Variants in TPM1 observed in about 807,000 individuals in gnomAD.
TPM1 encodes tropomyosin alpha-1 chain.
Under a neutral mutation model 42.9 loss-of-function variants are expected in TPM1, and 24 were observed. The ratio of observed to expected loss-of-function variants is 0.56; its 90% CI spans 0.41 to 0.79. The LOEUF is 0.79. TPM1 is among the 30% of genes least tolerant of loss of function. TPM1 has a pLI of 0.00. For missense variants in TPM1, 158 were observed against 351.8 expected (o/e 0.45, Z 4.41); for synonymous variants, 136 against 130.1 (o/e 1.05, Z -0.31).
At chr15:63,063,598 C>T (rs75449003) in intron 8 of TPM1, among the ~76,000 whole-genome samples, 15,274 of 152,280 alleles carry the variant, frequency 0.1, 1,169 homozygotes, top group Admixed American at 0.24. Flanking sequence ...ATAAGGACTA[C>T]AGGCTGTAGT....
At chr15:63,061,653 T>G (rs1392530461) in intron 5 of TPM1, 60 bp from the exon 6 acceptor site, 5 of 1,529,130 alleles carry the variant, frequency 3.3e-6, no homozygotes, top group African/African-American at 2.7e-5. Flanking sequence ...CCTCTCCTTT[T>G]TCTCTCCTCC....
At chr15:63,051,553 C>G (rs1200620231) in intron 2 of TPM1, among the ~76,000 whole-genome samples, 2 of 151,856 alleles carry the variant, frequency 1.3e-5, no homozygotes, top group African/African-American at 2.4e-5. Flanking sequence ...TTTTTCCCCC[C>G]TTTCCTTACC....
chr15:63,052,181 C>G (rs1042035422), intron 2 of TPM1, among the ~76,000 whole-genome samples: 2 of 152,078 alleles, frequency 1.3e-5, no homozygotes, highest in Non-Finnish European at 2.9e-5. Flanking sequence ...ACTAGCATCC[C>G]AGATTGAAAG....
At chr15:63,058,899 C>T (rs1037355826) in intron 3 of TPM1, among the ~76,000 whole-genome samples, 1 of 152,154 alleles carries the variant, frequency 6.6e-6, no homozygotes, top group Non-Finnish European at 1.5e-5. Context: ...CTAATACACT[C>T]AGTGTAGAGG....
At chr15:63,071,180 C>G in exon 9 of TPM1, 1 of 1,606,004 alleles carries the variant, frequency 6.2e-7, no homozygotes, top group Non-Finnish European at 8.5e-7. Context: ...TGAAAACCTC[C>G]TTAGCTGCGA....
intron 9 of TPM1, chr15:63,064,611 G>T: frequency 9.7e-7 from 1 of 1,033,448 alleles, no homozygotes; most frequent in Non-Finnish European, 1.2e-6. Context: ...TAAGGAAATT[G>T]GCATGATCCA....
At chr15:63,068,611 C>T (rs1480535483), downstream of TPM1, among the ~76,000 whole-genome samples, 2 of 152,170 alleles carry the variant, frequency 1.3e-5, no homozygotes, top group Non-Finnish European at 2.9e-5. Context: ...TTGTCACCAG[C>T]ATTCAAAGCC....
intron 1 of TPM1, chr15:63,043,663 CG>C (rs1277313697): frequency 2.6e-6 from 4 of 1,537,264 alleles, no homozygotes; most frequent in Admixed American, 2.0e-5. Flanking sequence ...GTCTAACACC[CG>C]GTCCGTGCCG....
chr15:63,053,721 G>T (rs935980960), intron 2 of TPM1, among the ~76,000 whole-genome samples: 16 of 126,520 alleles, frequency 1.3e-4, no homozygotes, highest in African/African-American at 4.5e-4. Context: ...TTGCTCTGTC[G>T]CCCAGGCTGG....
intron 1 of TPM1, chr15:63,043,686 C>T: frequency 1.3e-6 from 2 of 1,541,846 alleles, no homozygotes; most frequent in African/African-American, 1.4e-5. Flanking sequence ...CCGCCCGCGC[C>T]CGCCCGCCGC....
At chr15:63,063,121 G>A in intron 8 of TPM1, 2 of 979,928 alleles carry the variant, frequency 2.0e-6, no homozygotes, top group Non-Finnish European at 2.4e-6. Context: ...ATATCCTGAA[G>A]GAGGAGGGAA....
chr15:63,063,934 C>A (rs1188581835), intron 8 of TPM1, 130 bp from the exon 9 acceptor site: 1 of 1,384,922 alleles, frequency 7.2e-7, no homozygotes, highest in African/African-American at 1.4e-5. Flanking sequence ...TGCTGCGGCA[C>A]CAACCCCTTC....
At chr15:63,065,764 C>A in intron 9 of TPM1, 132 bp from the exon 10 acceptor site, 1 of 1,373,696 alleles carries the variant, frequency 7.3e-7, no homozygotes, top group South Asian at 1.3e-5. Context: ...GTGTGGCTGG[C>A]AGTGGGGTTT....
intron 2 of TPM1, among the ~76,000 whole-genome samples, chr15:63,052,779 A>T (rs372730019): frequency 2.0e-5 from 3 of 152,192 alleles, no homozygotes; most frequent in East Asian, 1.9e-4. Flanking sequence ...TAAAAAAAAA[A>T]ATACCAGAAA....
At chr15:63,044,408 G>A in intron 2 of TPM1, 1 of 622,012 alleles carries the variant, frequency 1.6e-6, no homozygotes, top group Non-Finnish European at 2.8e-6. Context: ...GAGGCTGGGA[G>A]AATAGAGCAG....
downstream of TPM1, among the ~76,000 whole-genome samples, chr15:63,069,013 C>A (rs1328616357): frequency 2.0e-5 from 3 of 151,902 alleles, no homozygotes; most frequent in African/African-American, 7.3e-5. Flanking sequence ...ATTAGCCAGG[C>A]GTGGTGGCGG....
intron 6 of TPM1, 116 bp from the exon 7 acceptor site, chr15:63,062,099 A>G (rs968944726): frequency 1.1e-6 from 1 of 920,170 alleles, no homozygotes; most frequent in Non-Finnish European, 1.8e-6. Context: ...CAGAGGTTCC[A>G]TTACCTCCTA....
intron 2 of TPM1, chr15:63,054,433 TG>T (rs1284807717): frequency 2.0e-5 from 3 of 152,152 alleles, no homozygotes; most frequent in African/African-American, 7.2e-5. Flanking sequence ...AGGGGCCCTT[TG>T]GGTAGGAAGA....
chr15:63,048,626 G>A lies in TPM1; in HGVS notation c.240+4474G>A, dbSNP rs1401364038. ...CGGTGCGCAGGAAGATCCGGAGCCT[G>A]CAGGAGCAGGCGGACGCCGCTGAGG... On this transcript the variant is annotated intron_variant, in intron 2 of 9. Transcript: ENST00000403994. 2.0e-6 allele frequency: 3 copies of A among 1,536,456 alleles called. No individual in the cohort carries two copies. The African/African-American group carries it at 4.2e-5, about 22-fold the overall frequency.
Sources: gnomAD v4.1 joint callset for allele counts (sites outside exome capture counted in the v4.1 genomes callset) on GRCh38, gnomAD v4.1.1 for gene constraint, MANE v1.5 for transcripts, NCBI Gene and HGNC (gene_info 2026-07-23, HGNC 2026-07-21) for gene names.